SLCO3A1: variants seen among roughly 807,000 people sequenced by gnomAD.
SLCO3A1 encodes the protein PGE1 transporter.
Under a neutral mutation model 63.1 loss-of-function variants are expected in SLCO3A1, and 27 were observed. The ratio of observed to expected loss-of-function variants is 0.43; its 90% confidence interval spans 0.32 to 0.59. SLCO3A1 has a LOEUF of 0.59. Ranked by LOEUF, SLCO3A1 falls within the 20% of genes least tolerant of loss-of-function variation. The pLI, the probability that SLCO3A1 is intolerant of heterozygous loss-of-function variation, is 0.09. For missense variants in SLCO3A1, 773 were observed against 945.8 expected (o/e 0.82, Z 2.40); for synonymous variants, 473 against 409.9 (o/e 1.15, Z -1.86).
Position 92,157,435 on chromosome 15 carries a change from T to C in SLCO3A1, c.1754-5321T>C, listed in dbSNP as rs537638531. ...CTAAAGTACACCTGGCCCCCCCCCT[T>C]GTCCTCCCTTCTGGACACACCTGAT... is the stretch of plus-strand genomic sequence containing the variant. On this transcript the variant is annotated intron_variant, in intron 9 of 9. Coordinates refer to ENST00000318445, the MANE Select transcript of SLCO3A1 (RefSeq NM_013272.4). Among the ~76,000 whole-genome samples, 265 of 151,376 alleles carry C rather than the reference T, an allele frequency of 1.8e-3. 1 individual carries two copies. Among genetic ancestry groups the C allele is most frequent in the African/African-American group, 6.1e-3 (252 of 41,130 alleles).
At chr15:91,901,751 A>C (rs1053857499) in intron 1 of SLCO3A1, among the ~76,000 whole-genome samples, 1 of 152,074 alleles carries the variant, frequency 6.6e-6, no homozygotes, top group South Asian at 2.1e-4. Context: ...CTGCTTTCAC[A>C]ATTTTCTGTG....
intron 1 of SLCO3A1, among the ~76,000 whole-genome samples, chr15:91,892,757 A>T (rs1470184930): frequency 2.6e-5 from 4 of 152,168 alleles, no homozygotes; most frequent in Non-Finnish European, 5.9e-5. Context: ...TCCAGTTCTG[A>T]TTCCATATCT....
chr15:92,032,734 T>C (rs990479069), intron 2 of SLCO3A1, among the ~76,000 whole-genome samples: 4 of 152,136 alleles, frequency 2.6e-5, no homozygotes, highest in South Asian at 2.1e-4. Context: ...CTGGCAAAAT[T>C]TGGGGAAAGC....
intron 1 of SLCO3A1, among the ~76,000 whole-genome samples, chr15:91,884,644 A>G (rs1897678416): frequency 6.6e-6 from 1 of 152,114 alleles, no homozygotes; most frequent in South Asian, 2.1e-4. Flanking sequence ...TCAAATTATT[A>G]TGAAATGTCT....
chr15:92,108,381 A>G (rs1352206941), intron 4 of SLCO3A1, among the ~76,000 whole-genome samples: 1 of 151,966 alleles, frequency 6.6e-6, no homozygotes, highest in Admixed American at 6.6e-5. Flanking sequence ...TTTTTTACAC[A>G]CCTCACATTC....
chr15:91,891,734 G>A (rs1022201783), intron 1 of SLCO3A1, among the ~76,000 whole-genome samples: 9 of 152,174 alleles, frequency 5.9e-5, no homozygotes, highest in African/African-American at 2.2e-4. Context: ...CACAGTGTTC[G>A]TGCCCTTAAT....
chr15:91,974,334 TG>T (rs1366749352), intron 2 of SLCO3A1, among the ~76,000 whole-genome samples: 1 of 151,466 alleles, frequency 6.6e-6, no homozygotes, highest in Non-Finnish European at 1.5e-5. Flanking sequence ...CAGTGTATCC[TG>T]GGGGAACTTG....
Position 91,862,300 on chromosome 15 carries a change from C to A in SLCO3A1, c.180+8212C>A, listed in dbSNP as rs773185758. On this transcript the variant is annotated intron_variant, in intron 1 of 9. Coordinates refer to ENST00000318445, the MANE Select transcript of SLCO3A1 (RefSeq NM_013272.4). The surrounding 1 kb of genome is among the most constrained non-coding windows in gnomAD (Gnocchi z 4.0). ...TCCCCAGTAGCTGGGACTACAGGCG[C>A]GTACCACCACTCGGCTAATTTTTTG... Among the ~76,000 whole-genome samples the A allele has an allele frequency of 3.3e-5, 5 of 152,020 alleles. No homozygotes were observed. The highest frequency in any genetic ancestry group is 5.9e-5 in the Non-Finnish European group (4 of 68,010).
chr15:92,094,882 A>T lies in SLCO3A1; in HGVS notation c.648A>T (p.Gly216=). 1.2e-6 allele frequency: 2 copies of T among 1,609,692 alleles called. No homozygotes were observed. Among genetic ancestry groups the T allele is most frequent in the Non-Finnish European group, 1.7e-6 (2 of 1,176,354 alleles). The change falls in exon 3 of 10, where the codon GGA becomes GGT. Residue 216 remains glycine (G), a splice_region_variant and synonymous_variant. Transcript: ENST00000318445. ...VRRKDSSLYI[G]ILFTMLVFGP... is the part of the protein sequence containing the mutation. The stretch of plus-strand genomic sequence containing the variant: ...ATTTTTTTCTTCATCTTCCTTCAGG[A>T]ATCCTGTTCACGATGCTGGTATTTG...
intron 1 of SLCO3A1, among the ~76,000 whole-genome samples, chr15:91,895,611 C>A (rs1216804929): frequency 6.6e-6 from 1 of 152,156 alleles, no homozygotes; most frequent in Non-Finnish European, 1.5e-5. Context: ...GGTTTCCCAG[C>A]CAATACTGTT....
intron 2 of SLCO3A1, among the ~76,000 whole-genome samples, chr15:91,959,692 C>G (rs1444453637): frequency 7.1e-6 from 1 of 140,264 alleles, no homozygotes; most frequent in Non-Finnish European, 1.5e-5. Context: ...CCACTGCACT[C>G]CAGCCTGGGC....
rs944865712 is a variant in SLCO3A1, at chr15:91,968,818, C to T, written c.646+52360C>T. The stretch of plus-strand genomic sequence containing the variant: ...CTGTCCGTGGTTACCCTTAGGGTGG[C>T]GCTGTTTATTGGCGCCTTTTTGCTT... On this transcript the variant is annotated intron_variant, in intron 2 of 9. Coordinates refer to ENST00000318445, the MANE Select transcript of SLCO3A1 (RefSeq NM_013272.4). The surrounding 1 kb of genome is among the most constrained non-coding windows in gnomAD (Gnocchi z 4.2). 1.1e-4 allele frequency among the ~76,000 whole-genome samples: 16 copies of T among 152,190 alleles called. No individual in the cohort carries two copies. Among genetic ancestry groups the T allele is most frequent in the Admixed American group, 3.9e-4 (6 of 15,272 alleles).
chr15:91,987,234 G>C (rs970372269), intron 2 of SLCO3A1, among the ~76,000 whole-genome samples: 2 of 152,112 alleles, frequency 1.3e-5, no homozygotes, highest in African/African-American at 4.8e-5. Context: ...CCACATGAAG[G>C]GGGAGCATAC....
intron 2 of SLCO3A1, among the ~76,000 whole-genome samples, chr15:92,076,695 C>G (rs564986578): frequency 2.0e-5 from 3 of 152,216 alleles, no homozygotes; most frequent in African/African-American, 7.2e-5. Flanking sequence ...GCAATCCCCA[C>G]CAGTCAGCAC....
At chr15:92,063,805 G>T (rs559907054) in intron 2 of SLCO3A1, among the ~76,000 whole-genome samples, 2 of 152,230 alleles carry the variant, frequency 1.3e-5, no homozygotes, top group South Asian at 4.2e-4. Flanking sequence ...AGCCAAGATC[G>T]CACCACCGCA....
chr15:92,087,613 G>A (rs2047422339), intron 2 of SLCO3A1, among the ~76,000 whole-genome samples: 1 of 150,316 alleles, frequency 6.7e-6, no homozygotes, highest in Non-Finnish European at 1.5e-5. Flanking sequence ...CTGCCTCCCA[G>A]GTTCAAGCAA....
intron 7 of SLCO3A1, among the ~76,000 whole-genome samples, chr15:92,140,955 C>G (rs182298402): frequency 6.6e-6 from 1 of 152,270 alleles, no homozygotes; most frequent in Admixed American, 6.5e-5. Context: ...CATTGTGACT[C>G]ATATTGTATA....
downstream of SLCO3A1, among the ~76,000 whole-genome samples, chr15:92,166,870 A>G (rs1321348428): frequency 6.6e-6 from 1 of 152,054 alleles, no homozygotes; most frequent in Admixed American, 6.5e-5. Context: ...TTCCGGTCCT[A>G]GGAAGTCTGG....
chr15:92,099,449 CAA>C (rs3030620), intron 3 of SLCO3A1, among the ~76,000 whole-genome samples: 55,837 of 149,688 alleles, frequency 0.37, 10,499 homozygotes, highest in Admixed American at 0.43. Flanking sequence ...AAATGAACTA[CAA>C]AAAAAAAAAA....
Sources: gnomAD v4.1 joint callset for allele counts (sites outside exome capture counted in the v4.1 genomes callset) on GRCh38, gnomAD v4.1.1 for gene constraint, Gnocchi (gnomAD v3.1) non-coding constraint, MANE v1.5 for transcripts, NCBI Gene and HGNC (gene_info 2026-07-23, HGNC 2026-07-21) for gene names.